The following THSD7A variants were observed in gnomAD, a reference collection of about 807,000 sequenced individuals.
THSD7A encodes the protein thrombospondin type 1 domain containing 7A, also known as thrombospondin type-1 domain-containing protein 7A.
In THSD7A, 96 loss-of-function variants were observed where a neutral mutation model predicts 231.3. That is an observed-to-expected ratio of 0.41 (90% CI 0.35 to 0.49). The LOEUF is 0.49. Ranked by LOEUF, THSD7A falls within the 20% of genes least tolerant of loss-of-function variation. The probability of loss-of-function intolerance (pLI) is 0.05; values close to 1 mark genes in which losing one functional copy is unlikely to be tolerated. For synonymous variants in THSD7A, 940 were observed against 743.3 expected, an observed-to-expected ratio of 1.26 and a Z score of -4.30; for missense variants, 2,290 against 2,070.2, an observed-to-expected ratio of 1.11 and a Z score of -2.06.
chr7:11,689,854 G>C (rs1780178657), intron 1 of THSD7A, among the ~76,000 whole-genome samples: 1 of 143,694 alleles, frequency 7.0e-6, no homozygotes, highest in South Asian at 2.2e-4. Flanking sequence ...AGACCACAAA[G>C]CATTTCTGCC....
chr7:11,724,207 C>T (rs190215037), intron 1 of THSD7A, among the ~76,000 whole-genome samples: 1 of 151,944 alleles, frequency 6.6e-6, no homozygotes, highest in African/African-American at 2.4e-5. Context: ...AATGTAGCTG[C>T]TACTTAATGA....
At chr7:11,693,671 T>C (rs895564478) in intron 1 of THSD7A, among the ~76,000 whole-genome samples, 1 of 151,520 alleles carries the variant, frequency 6.6e-6, no homozygotes, top group Non-Finnish European at 1.5e-5. Context: ...TGACTAGCTT[T>C]AGTCTCTGTT....
intron 4 of THSD7A, among the ~76,000 whole-genome samples, chr7:11,574,188 T>C (rs73): frequency 0.2 from 30,378 of 152,110 alleles, 3,466 homozygotes; most frequent in Admixed American, 0.32. Context: ...CTCTTTCACA[T>C]AACCCTGTTT....
chr7:11,511,806 T>C (rs927209675), intron 6 of THSD7A, among the ~76,000 whole-genome samples: 2 of 152,154 alleles, frequency 1.3e-5, no homozygotes, highest in Non-Finnish European at 2.9e-5. Context: ...AAAACTTAAA[T>C]GTTAGACCTA....
At chr7:11,497,911 G>A (rs1039166647) in intron 6 of THSD7A, among the ~76,000 whole-genome samples, 4 of 152,072 alleles carry the variant, frequency 2.6e-5, no homozygotes, top group East Asian at 3.9e-4. Flanking sequence ...AAGCGATCCC[G>A]GGAAACCATG....
At chr7:11,608,932 C>G (rs1780828413) in intron 2 of THSD7A, among the ~76,000 whole-genome samples, 1 of 152,180 alleles carries the variant, frequency 6.6e-6, no homozygotes, top group Non-Finnish European at 1.5e-5. Context: ...TAATTTGCAA[C>G]AAGTTCTTAC....
chr7:11,758,528 C>T (rs1489651107), intron 1 of THSD7A, among the ~76,000 whole-genome samples: 1 of 151,960 alleles, frequency 6.6e-6, no homozygotes, highest in Non-Finnish European at 1.5e-5. Context: ...GTGTACTGAA[C>T]ATATGACAAA....
chr7:11,604,694 A>G (rs1223541277), intron 2 of THSD7A, among the ~76,000 whole-genome samples: 1 of 152,164 alleles, frequency 6.6e-6, no homozygotes, highest in Non-Finnish European at 1.5e-5. Context: ...CTTGCGAATG[A>G]CAATGCAGTT....
At chr7:11,660,997 T>A (rs567014413) in intron 1 of THSD7A, among the ~76,000 whole-genome samples, 1 of 151,536 alleles carries the variant, frequency 6.6e-6, no homozygotes, top group South Asian at 2.1e-4. Context: ...ACCCTGGAGG[T>A]ATTTCCCAAT....
At chr7:11,596,198 C>G (rs994497136) in intron 2 of THSD7A, among the ~76,000 whole-genome samples, 1 of 152,176 alleles carries the variant, frequency 6.6e-6, no homozygotes, top group Non-Finnish European at 1.5e-5. Context: ...TTCTTCCATC[C>G]TTCCCCAAGG....
chr7:11,389,421 C>CCTT (rs1782891472), intron 23 of THSD7A, among the ~76,000 whole-genome samples: 1 of 37,588 alleles, frequency 2.7e-5, no homozygotes, highest in African/African-American at 9.6e-5. Context: ...GCAACTCCTG[C>CCTT]TTTTTTTTTT....
chr7:11,770,501 G>C (rs921721883), intron 1 of THSD7A, among the ~76,000 whole-genome samples: 2 of 152,132 alleles, frequency 1.3e-5, no homozygotes, highest in African/African-American at 4.8e-5. Flanking sequence ...ACATTTACCA[G>C]TGTTTCTGAG....
rs12154996 is a variant in THSD7A, at chr7:11,637,499, A to G, written c.191-538T>C. ...ATAGTTGTATATCATGTGTGCCACT[A>G]GAGCTTAAAGTGTTCACTCTCTGGT... On this transcript the variant is annotated intron_variant, in intron 1 of 27. Transcript: ENST00000423059. This position sits in a 1 kb window ranked among gnomAD's most constrained non-coding sequence, Gnocchi z 4.2. Among the ~76,000 whole-genome samples the G allele has an allele frequency of 0.24, 36,855 of 152,138 alleles. 5,161 individuals are homozygous for G. Among genetic ancestry groups the G allele is most frequent in the Non-Finnish European group, 0.33 (22,172 of 67,992 alleles).
At chr7:11,668,343 G>A (rs960063643) in intron 1 of THSD7A, among the ~76,000 whole-genome samples, 16 of 151,930 alleles carry the variant, frequency 1.1e-4, no homozygotes, top group African/African-American at 3.9e-4. Flanking sequence ...ACTGGAAACC[G>A]GGAGGCGGAG....
chr7:11,764,374 G>C lies in THSD7A; in HGVS notation c.190+67383C>G, dbSNP rs184871699. 4.6e-3 allele frequency among the ~76,000 whole-genome samples: 702 copies of C among 152,260 alleles called. 5 individuals are homozygous for C. The highest frequency in any genetic ancestry group is 0.016 in the African/African-American group (668 of 41,566). On this transcript the variant is annotated intron_variant, in intron 1 of 27. Transcript: ENST00000423059. The stretch of plus-strand genomic sequence containing the variant: ...AGGCGGGTGGATCACGAGGTCAGGA[G>C]ATCGAGACCATCCTGGCTAACACGG...
Position 11,581,256 on chromosome 7 carries a change from T to C in THSD7A, c.1453+9204A>G, listed in dbSNP as rs567155309. Among the ~76,000 whole-genome samples, 25 of 152,246 alleles carry C rather than the reference T, an allele frequency of 1.6e-4. No homozygotes were observed. In the South Asian group the frequency reaches 4.8e-3, roughly 29 times the overall value. ...TGGGCATTTGGGACTTAACTGGGTA[T>C]TTATACGTACTCATTATTCTTCATA... On this transcript the variant is annotated intron_variant, in intron 4 of 27. Transcript: ENST00000423059.
At chr7:11,757,336 C>T (rs781714868) in intron 1 of THSD7A, among the ~76,000 whole-genome samples, 15 of 151,976 alleles carry the variant, frequency 9.9e-5, no homozygotes, top group Non-Finnish European at 1.3e-4. Context: ...GGATGCATGA[C>T]GCTCAGCTTT....
At chr7:11,725,432 A>G (rs961140708) in intron 1 of THSD7A, among the ~76,000 whole-genome samples, 4 of 151,982 alleles carry the variant, frequency 2.6e-5, no homozygotes, top group African/African-American at 9.7e-5. Context: ...GTTATAAAAG[A>G]CATACCTATC....
In THSD7A at chr7:11,370,785, C is replaced by T. The variant is rs1252789755; in HGVS notation, c.*5009G>A. Reference sequence around the variant, plus strand: ...TAATAATTTATAGAAAGACAGATTGCAAATTTTAATAAAGTTATATTTTAC... The same window carrying T: ...TAATAATTTATAGAAAGACAGATTGTAAATTTTAATAAAGTTATATTTTAC... On this transcript the variant is annotated 3_prime_UTR_variant, in exon 28 of 28. Transcript: ENST00000423059. The T allele has an allele frequency of 4.6e-5, 7 of 152,044 alleles. No individual in the cohort carries two copies. The highest frequency in any genetic ancestry group is 1.7e-4 in the African/African-American group (7 of 41,496). The allele number at this position is 152,044 out of a possible 1,614,324, so 9.4% of individuals were successfully genotyped here.
Sources: gnomAD v4.1 joint callset for allele counts (sites outside exome capture counted in the v4.1 genomes callset) on GRCh38, gnomAD v4.1.1 for gene constraint, Gnocchi (gnomAD v3.1) non-coding constraint, MANE v1.5 for transcripts, NCBI Gene and HGNC (gene_info 2026-07-23, HGNC 2026-07-21) for gene names.